MNAT1: variants seen among roughly 807,000 people sequenced by gnomAD.
MNAT1 encodes CDK-activating kinase assembly factor MAT1.
Under a neutral mutation model 42.0 loss-of-function variants are expected in MNAT1, and 43 were observed. The observed-to-expected ratio is 1.02, with a 90% CI of 0.80 to 1.32. MNAT1 has a LOEUF of 1.32. Ranked by LOEUF, MNAT1 falls within the 40% of genes most tolerant of loss-of-function variation. The pLI is 0.00. For synonymous variants in MNAT1, 118 were observed against 120.0 expected (o/e 0.98, Z 0.11); for missense variants, 306 against 350.4 (o/e 0.87, Z 1.01).
chr14:60,940,357 G>A (rs1255337047), intron 7 of MNAT1, among the ~76,000 whole-genome samples: 1 of 152,186 alleles, frequency 6.6e-6, no homozygotes, highest in Non-Finnish European at 1.5e-5. Context: ...GCATGTTTTT[G>A]CAGTGGCTCT....
At chr14:60,898,517 T>A (rs1286086683) in intron 7 of MNAT1, among the ~76,000 whole-genome samples, 3 of 152,166 alleles carry the variant, frequency 2.0e-5, no homozygotes, top group Non-Finnish European at 4.4e-5. Context: ...TGATTAGTGA[T>A]GTTGAGCATT....
intron 7 of MNAT1, among the ~76,000 whole-genome samples, chr14:60,941,006 A>G (rs965863521): frequency 1.3e-5 from 2 of 152,202 alleles, no homozygotes; most frequent in African/African-American, 4.8e-5. Context: ...TTAATATTTG[A>G]ATTATTCTTT....
At chr14:60,937,130 T>A (rs865936704) in intron 7 of MNAT1, among the ~76,000 whole-genome samples, 21 of 152,124 alleles carry the variant, frequency 1.4e-4, no homozygotes, top group Admixed American at 7.9e-4. Flanking sequence ...ATATTAGCCC[T>A]TTGTCAGAAG....
At position 60,968,246 on chromosome 14, in the gene MNAT1, G is replaced by A. The variant is rs1238591385; in HGVS notation, c.827G>A (p.Arg276Lys). Reference protein sequence around the residue: ...LGRLGYLNHVRAASPQDLAGG... With the variant: ...LGRLGYLNHVKAASPQDLAGG... ...TGTTTTAGGTATTTAAACCATGTCA[G>A]AGCTGCCTCACCACAGGACCTTGCT... The change falls in exon 8 of 8, where the codon AGA becomes AAA. Residue 276 changes from arginine to lysine, a missense_variant. This residue lies in a region of MNAT1 where 116 missense variants were observed against 139.6 expected (regional missense o/e 0.83). Coordinates refer to ENST00000261245, the MANE Select transcript of MNAT1 (RefSeq NM_002431.4). The A allele has an allele frequency of 1.2e-5, 19 of 1,613,306 alleles. No individual in the cohort carries two copies. The highest frequency in any genetic ancestry group is 1.6e-5 in the Non-Finnish European group (19 of 1,179,734).
At chr14:60,913,452 G>T (rs4902018) in intron 7 of MNAT1, among the ~76,000 whole-genome samples, 138,463 of 152,106 alleles carry the variant, frequency 0.91, 63,811 homozygotes, top group Non-Finnish European at 0.99. Context: ...CCCCATCTTT[G>T]TGGTTTTATC....
chr14:60,752,777 T>C (rs2030154077), intron 1 of MNAT1, among the ~76,000 whole-genome samples: 1 of 152,230 alleles, frequency 6.6e-6, no homozygotes, highest in Non-Finnish European at 1.5e-5. Flanking sequence ...ATTATTATTA[T>C]TTTTTGAGAT....
intron 1 of MNAT1, among the ~76,000 whole-genome samples, chr14:60,757,370 G>A (rs953286319): frequency 6.6e-6 from 1 of 151,970 alleles, no homozygotes; most frequent in East Asian, 1.9e-4. Flanking sequence ...AGATTTTGCA[G>A]TATTTTAGTG....
intron 6 of MNAT1, among the ~76,000 whole-genome samples, chr14:60,847,454 C>A (rs1188723564): frequency 6.6e-6 from 1 of 150,798 alleles, no homozygotes; most frequent in Non-Finnish European, 1.5e-5. Context: ...TACTTCAGCT[C>A]TCTTATGGTT....
chr14:60,786,095 G>A (rs2031641898), intron 1 of MNAT1, among the ~76,000 whole-genome samples: 1 of 151,660 alleles, frequency 6.6e-6, no homozygotes, highest in South Asian at 2.1e-4. Context: ...AAGAAAAATT[G>A]AATAAAATAA....
chr14:60,871,770 C>T (rs191491714), intron 6 of MNAT1, among the ~76,000 whole-genome samples: 3 of 151,830 alleles, frequency 2.0e-5, no homozygotes, highest in East Asian at 1.9e-4. Context: ...TTACAGGCGC[C>T]GGCTACCACG....
rs2035750291 is a variant in MNAT1 at position 60,925,610 on chromosome 14, ACTTC to A, written c.810-42613_810-42610del. 3.9e-5 allele frequency among the ~76,000 whole-genome samples: 6 copies of A among 152,224 alleles called. No homozygotes were observed. The South Asian group carries it at 1.2e-3, about 32-fold the overall frequency. Reference sequence around the variant, plus strand: ...CTTAGCAACCTTATCCCTTCCTTACACTTCCTTCCATCAGGTTACATTCACTTTT... The same window carrying A: ...CTTAGCAACCTTATCCCTTCCTTACACTTCCATCAGGTTACATTCACTTTT... On this transcript the variant is annotated intron_variant, in intron 7 of 7. Coordinates refer to ENST00000261245, the MANE Select transcript of MNAT1 (RefSeq NM_002431.4).
intron 1 of MNAT1, among the ~76,000 whole-genome samples, chr14:60,791,181 T>A (rs1832928547): frequency 6.6e-6 from 1 of 152,186 alleles, no homozygotes; most frequent in Non-Finnish European, 1.5e-5. Context: ...CCTTATATTA[T>A]TTGCTTGTTA....
At chr14:60,798,476 A>G (rs1225638801) in intron 3 of MNAT1, among the ~76,000 whole-genome samples, 1 of 152,148 alleles carries the variant, frequency 6.6e-6, no homozygotes, top group Non-Finnish European at 1.5e-5. Context: ...AAATGAATGG[A>G]AAACATATTC....
intron 6 of MNAT1, among the ~76,000 whole-genome samples, chr14:60,877,333 T>C (rs2034455806): frequency 1.3e-5 from 2 of 152,102 alleles, no homozygotes; most frequent in South Asian, 4.1e-4. Flanking sequence ...ACAACGTGCC[T>C]GTAAACTAGC....
intron 1 of MNAT1, among the ~76,000 whole-genome samples, chr14:60,795,907 A>G (rs551075206): frequency 2.0e-5 from 3 of 152,300 alleles, no homozygotes; most frequent in East Asian, 3.9e-4. Context: ...AGGTGACCAT[A>G]CAGTAGCCTT....
intron 7 of MNAT1, among the ~76,000 whole-genome samples, chr14:60,908,678 T>C (rs1009969016): frequency 6.6e-6 from 1 of 152,164 alleles, no homozygotes; most frequent in African/African-American, 2.4e-5. Context: ...CTGCATAGTA[T>C]TCCATGGTGT....
intron 6 of MNAT1, among the ~76,000 whole-genome samples, chr14:60,827,399 G>A (rs1363120514): frequency 1.3e-5 from 2 of 152,128 alleles, no homozygotes; most frequent in Non-Finnish European, 2.9e-5. Flanking sequence ...ATAGTATTTA[G>A]CTGTTCGCTT....
intron 6 of MNAT1, among the ~76,000 whole-genome samples, chr14:60,831,872 A>C (rs1320903685): frequency 1.3e-5 from 2 of 152,166 alleles, no homozygotes; most frequent in South Asian, 2.1e-4. Context: ...TCGCCATTCT[A>C]ACTGGCATGA....
At chr14:60,768,336 C>T (rs8016726) in intron 1 of MNAT1, among the ~76,000 whole-genome samples, 144,316 of 152,320 alleles carry the variant, frequency 0.95, 68,637 homozygotes, top group Non-Finnish European at 0.99. Context: ...ATAGTATTTG[C>T]AATTTTGAAG....
Sources: allele counts gnomAD v4.1 joint callset (sites outside exome capture counted in the v4.1 genomes callset), GRCh38; gene constraint gnomAD v4.1.1; regional missense constraint gnomAD v4.1.1; transcripts MANE v1.5; gene names NCBI Gene and HGNC (gene_info 2026-07-23, HGNC 2026-07-21).